The following PDZRN3 variants were observed in gnomAD, a reference collection of about 807,000 sequenced individuals.
PDZRN3 encodes the protein E3 ubiquitin-protein ligase PDZRN3.
A neutral mutation model predicts 85.7 loss-of-function variants in PDZRN3; 38 were observed. The ratio of observed to expected loss-of-function variants is 0.44; its 90% CI spans 0.34 to 0.58. The LOEUF (loss-of-function observed/expected upper bound fraction) is 0.58, where lower values mean the gene tolerates loss of function less well. Ranked by LOEUF, PDZRN3 falls within the 20% of genes least tolerant of loss-of-function variation. The probability of loss-of-function intolerance (pLI) is 0.01; values close to 1 mark genes in which losing one functional copy is unlikely to be tolerated. For missense variants in PDZRN3, 1,629 were observed against 1,506.4 expected (o/e 1.08, Z -1.35); for synonymous variants, 759 against 638.0 (o/e 1.19, Z -2.86).
chr3:73,388,132 A>ATCT, intron 7 of PDZRN3, 63 bp from the exon 8 acceptor site: 1 of 780,926 alleles, frequency 1.3e-6, no homozygotes, highest in Non-Finnish European at 2.1e-6. Flanking sequence ...AGATGGTGCA[A>ATCT]AATCATTCTA....
intron 1 of PDZRN3, among the ~76,000 whole-genome samples, chr3:73,618,826 C>T (rs1007742195): frequency 1.2e-4 from 18 of 152,162 alleles, no homozygotes; most frequent in African/African-American, 4.3e-4. Flanking sequence ...CCTTATAAAT[C>T]ACAGAAATGA....
intron 6 of PDZRN3, 63 bp downstream of exon 6, chr3:73,390,955 A>AT: frequency 2.3e-6 from 2 of 854,618 alleles, no homozygotes; most frequent in Non-Finnish European, 3.6e-6. Context: ...GTTGGTGAAC[A>AT]TGAAAAAAAA....
At chr3:73,391,177 C>T (rs1308077639) in intron 5 of PDZRN3, 61 bp from the exon 6 acceptor site, 2 of 981,092 alleles carry the variant, frequency 2.0e-6, no homozygotes, top group Non-Finnish European at 3.3e-6. Flanking sequence ...GAGGGGATGT[C>T]AAATGCTTTA....
intron 3 of PDZRN3, among the ~76,000 whole-genome samples, chr3:73,446,773 C>T (rs762053088): frequency 3.9e-5 from 6 of 151,944 alleles, no homozygotes; most frequent in Non-Finnish European, 8.8e-5. Flanking sequence ...CACAGAATGG[C>T]GAATTGAGGA....
chr3:73,406,571 G>A (rs1216332282), intron 3 of PDZRN3, among the ~76,000 whole-genome samples: 3 of 152,134 alleles, frequency 2.0e-5, no homozygotes, highest in Non-Finnish European at 4.4e-5. Flanking sequence ...CAGTCACGCT[G>A]GTCTTCTGCC....
intron 3 of PDZRN3, among the ~76,000 whole-genome samples, chr3:73,421,328 C>G (rs1702198078): frequency 6.6e-6 from 1 of 152,202 alleles, no homozygotes; most frequent in African/African-American, 2.4e-5. Flanking sequence ...CTTCCGGGGT[C>G]ACTCAATGGC....
At chr3:73,462,544 A>AG (rs1703128620) in intron 3 of PDZRN3, among the ~76,000 whole-genome samples, 2 of 146,558 alleles carry the variant, frequency 1.4e-5, no homozygotes, top group South Asian at 2.2e-4. Context: ...CTCCGTCTCA[A>AG]AAAAAAAAAA....
At chr3:73,546,767 G>A (rs1447505883) in intron 3 of PDZRN3, among the ~76,000 whole-genome samples, 1 of 152,232 alleles carries the variant, frequency 6.6e-6, no homozygotes, top group African/African-American at 2.4e-5. Flanking sequence ...CTGAAGCTGA[G>A]CAATGACTTT....
intron 3 of PDZRN3, among the ~76,000 whole-genome samples, chr3:73,527,511 T>C (rs1704552504): frequency 6.6e-6 from 1 of 152,206 alleles, no homozygotes; most frequent in Admixed American, 6.5e-5. Flanking sequence ...TGATAAAATA[T>C]GAAGAATCAA....
Position 73,489,274 on chromosome 3 carries a change from C to A in PDZRN3, c.919-84879G>T, listed in dbSNP as rs114942145. Among the ~76,000 whole-genome samples, 252 of 152,272 alleles carry A rather than the reference C, an allele frequency of 1.7e-3. 1 individual carries two copies. The highest frequency in any genetic ancestry group is 5.7e-3 in the African/African-American group (235 of 41,562). ...AAAGATCATGAAAGAAAAGGAAAAG[C>A]TTTATATTTTCATATCTTTAATGGT... On this transcript the variant is annotated intron_variant, in intron 3 of 9. Transcript: ENST00000263666.
chr3:73,553,541 A>C (rs897369539), intron 3 of PDZRN3, among the ~76,000 whole-genome samples: 1 of 150,616 alleles, frequency 6.6e-6, no homozygotes, highest in African/African-American at 2.4e-5. Context: ...GCACCATTGC[A>C]CTCCAGCCTG....
At chr3:73,443,505 G>GGGA (rs1702688301) in intron 3 of PDZRN3, among the ~76,000 whole-genome samples, 1 of 143,100 alleles carries the variant, frequency 7.0e-6, no homozygotes, top group Non-Finnish European at 1.5e-5. Flanking sequence ...TTTTGGGGGG[G>GGGA]GGACAGCGCT....
chr3:73,615,453 C>T (rs565054207), intron 1 of PDZRN3, among the ~76,000 whole-genome samples: 3 of 152,284 alleles, frequency 2.0e-5, no homozygotes, highest in African/African-American at 7.2e-5. Context: ...TTTATGTGCC[C>T]TCAAAATTCA....
chr3:73,594,802 T>C (rs1049481450), intron 3 of PDZRN3, among the ~76,000 whole-genome samples: 26 of 152,036 alleles, frequency 1.7e-4, no homozygotes, highest in African/African-American at 5.8e-4. Context: ...GAGGGGAAAA[T>C]ATGATATTCA....
intron 3 of PDZRN3, among the ~76,000 whole-genome samples, chr3:73,521,905 T>A (rs1170068365): frequency 1.3e-5 from 2 of 152,192 alleles, no homozygotes; most frequent in Non-Finnish European, 2.9e-5. Context: ...CTCTGTTTTG[T>A]CAAAGTTCTA....
chr3:73,508,514 C>T (rs950412247), intron 3 of PDZRN3, among the ~76,000 whole-genome samples: 8 of 152,138 alleles, frequency 5.3e-5, no homozygotes, highest in Non-Finnish European at 1.0e-4. Context: ...TGGGACCTGC[C>T]GTGCAGCTCC....
intron 3 of PDZRN3, among the ~76,000 whole-genome samples, chr3:73,477,100 G>A (rs1020037952): frequency 6.6e-6 from 1 of 152,080 alleles, no homozygotes; most frequent in Non-Finnish European, 1.5e-5. Context: ...GCTTAATAAT[G>A]GATCATATTC....
chr3:73,426,762 C>A (rs1392937888), intron 3 of PDZRN3, among the ~76,000 whole-genome samples: 1 of 152,130 alleles, frequency 6.6e-6, no homozygotes, highest in Non-Finnish European at 1.5e-5. Flanking sequence ...TGGGCCCCAC[C>A]CCAGCGTTTC....
intron 3 of PDZRN3, among the ~76,000 whole-genome samples, chr3:73,464,692 G>A (rs79399341): frequency 7.2e-5 from 11 of 151,986 alleles, no homozygotes; most frequent in African/African-American, 2.7e-4. Flanking sequence ...AGAAAAAAAG[G>A]TGTCTCTTTT....
Sources: gnomAD v4.1 joint callset for allele counts (sites outside exome capture counted in the v4.1 genomes callset) on GRCh38, gnomAD v4.1.1 for gene constraint, MANE v1.5 for transcripts, NCBI Gene and HGNC (gene_info 2026-07-23, HGNC 2026-07-21) for gene names.